The following DIP2B variants were observed in gnomAD, a reference collection of about 807,000 sequenced individuals.
The protein encoded by DIP2B is DIP2 acetate--CoA ligase B (putative).
Under a neutral mutation model 198.0 loss-of-function variants are expected in DIP2B, and 76 were observed. The ratio of observed to expected loss-of-function variants is 0.38; its 90% CI spans 0.32 to 0.46. The LOEUF is 0.46. DIP2B is among the 20% of genes least tolerant of loss of function. DIP2B has a pLI of 0.99. For synonymous variants in DIP2B, 701 were observed against 739.1 expected, an observed-to-expected ratio of 0.95 and a Z score of 0.84; for missense variants, 1,559 against 1,978.4, an observed-to-expected ratio of 0.79 and a Z score of 4.02.
intron 1 of DIP2B, among the ~76,000 whole-genome samples, chr12:50,511,289 C>CTCTTTTTTTTT (rs1316212138): frequency 4.8e-5 from 1 of 20,942 alleles, no homozygotes; most frequent in Non-Finnish European, 1.1e-4. Context: ...AGTGTGATTT[C>CTCTTTTTTTTT]TATTTTTTTT....
rs367902583 is a variant in DIP2B, at chr12:50,720,659, A to G, written c.3043-614A>G. Among the ~76,000 whole-genome samples the G allele has an allele frequency of 4.6e-5, 7 of 152,162 alleles. No homozygotes were observed. In the East Asian group the frequency reaches 1.2e-3, roughly 25 times the overall value. ...CAGCCAGGCACGGTGGCTCATGCCT[A>G]TAATCCCAGCTTCTTGAAAGGATGA... On this transcript the variant is annotated intron_variant, in intron 25 of 37. Coordinates refer to ENST00000301180, the MANE Select transcript of DIP2B (RefSeq NM_173602.3).
At chr12:50,682,023 G>A (rs1337024575) in intron 9 of DIP2B, among the ~76,000 whole-genome samples, 3 of 152,226 alleles carry the variant, frequency 2.0e-5, no homozygotes, top group African/African-American at 4.8e-5. Flanking sequence ...GTCTCATGAC[G>A]TAATTAAGTT....
At chr12:50,567,724 C>T (rs572241473) in intron 1 of DIP2B, among the ~76,000 whole-genome samples, 15 of 152,268 alleles carry the variant, frequency 9.9e-5, no homozygotes, top group Admixed American at 2.0e-4. Context: ...GATGGGGTTT[C>T]GCAGTGTTGG....
chr12:50,516,137 A>G (rs1308613479), intron 1 of DIP2B, among the ~76,000 whole-genome samples: 1 of 151,708 alleles, frequency 6.6e-6, no homozygotes, highest in African/African-American at 2.4e-5. Flanking sequence ...AGGCTCCCTC[A>G]AGCTTGTTTT....
At chr12:50,536,233 C>A (rs1382338844) in intron 1 of DIP2B, among the ~76,000 whole-genome samples, 4 of 151,938 alleles carry the variant, frequency 2.6e-5, no homozygotes, top group African/African-American at 9.7e-5. Context: ...GAGACCATCC[C>A]AGGCAACAAA....
intron 1 of DIP2B, among the ~76,000 whole-genome samples, chr12:50,525,627 C>T (rs371317592): frequency 6.6e-6 from 1 of 151,790 alleles, no homozygotes; most frequent in South Asian, 2.1e-4. Flanking sequence ...ATCCTCCCAC[C>T]TCAGCCTCCC....
At chr12:50,521,477 T>C (rs1318647924) in intron 1 of DIP2B, among the ~76,000 whole-genome samples, 2 of 149,280 alleles carry the variant, frequency 1.3e-5, no homozygotes, top group Non-Finnish European at 3.0e-5. Flanking sequence ...CAGTTAGACT[T>C]CAGGTTTCTT....
intron 3 of DIP2B, 55 bp downstream of exon 3, chr12:50,640,907 A>G: frequency 6.3e-7 from 1 of 1,579,306 alleles, no homozygotes; most frequent in Non-Finnish European, 8.6e-7. Context: ...AGTAGTATGA[A>G]CTGTGTATCC....
At chr12:50,632,077 G>A (rs1311780206) in intron 2 of DIP2B, among the ~76,000 whole-genome samples, 1 of 150,818 alleles carries the variant, frequency 6.6e-6, no homozygotes, top group Non-Finnish European at 1.5e-5. Context: ...TGATCCTCCC[G>A]CCTCCGCCTT....
At chr12:50,640,695 A>G in intron 2 of DIP2B, 29 bp from the exon 3 acceptor site, 1 of 1,610,382 alleles carries the variant, frequency 6.2e-7, no homozygotes, top group Admixed American at 1.7e-5. Flanking sequence ...CTGTTACTGG[A>G]TAACCATCTT....
chr12:50,600,894 T>TCAC (rs34616785), intron 1 of DIP2B, among the ~76,000 whole-genome samples: 18,366 of 121,362 alleles, frequency 0.15, 1,757 homozygotes, highest in East Asian at 0.29. Flanking sequence ...ATGACCACCA[T>TCAC]CACCACCACC....
intron 4 of DIP2B, 76 bp from the exon 5 acceptor site, chr12:50,671,110 G>A: frequency 7.0e-7 from 1 of 1,419,296 alleles, no homozygotes; most frequent in Non-Finnish European, 9.7e-7. Flanking sequence ...AACTGAATGT[G>A]TGATCAATGA....
In DIP2B at chr12:50,518,886, C is replaced by T. The variant is rs776537008; in HGVS notation, c.100+13646C>T. Among the ~76,000 whole-genome samples the T allele has an allele frequency of 2.0e-5, 3 of 152,064 alleles. 1 individual carries two copies. Among genetic ancestry groups the T allele is most frequent in the Admixed American group, 2.0e-4 (3 of 15,260 alleles). ...CCTCCAAGTAGCTGGGATTACAGGT[C>T]CATGTCACCATGCCTGGCTAATTTT... On this transcript the variant is annotated intron_variant, in intron 1 of 37. Transcript: ENST00000301180.
chr12:50,716,870 A>G (rs1939728370), intron 23 of DIP2B, among the ~76,000 whole-genome samples: 1 of 146,130 alleles, frequency 6.8e-6, no homozygotes, highest in Non-Finnish European at 1.5e-5. Flanking sequence ...TCCCCCGTTT[A>G]TTTTGAAGTG....
chr12:50,542,683 G>A (rs967682432), intron 1 of DIP2B, among the ~76,000 whole-genome samples: 1 of 152,168 alleles, frequency 6.6e-6, no homozygotes, highest in African/African-American at 2.4e-5. Flanking sequence ...TATGTCATAT[G>A]TGTGTTCATC....
chr12:50,600,941 A>G (rs1273760363), intron 1 of DIP2B, among the ~76,000 whole-genome samples: 1 of 128,250 alleles, frequency 7.8e-6, no homozygotes. Flanking sequence ...CACCACCACT[A>G]CCACCACCAC....
chr12:50,566,985 A>G (rs572081785), intron 1 of DIP2B, among the ~76,000 whole-genome samples: 3 of 151,262 alleles, frequency 2.0e-5, no homozygotes, highest in Non-Finnish European at 3.0e-5. Flanking sequence ...AAAAAAAAAA[A>G]AAAAAAAGAA....
At chr12:50,674,254 C>T (rs558029427) in intron 5 of DIP2B, among the ~76,000 whole-genome samples, 1 of 152,298 alleles carries the variant, frequency 6.6e-6, no homozygotes, top group African/African-American at 2.4e-5. Context: ...CTACTCAAGT[C>T]TTACAAAATA....
chr12:50,675,136 A>G (rs1322411327), intron 6 of DIP2B, among the ~76,000 whole-genome samples, 193 bp from the exon 7 acceptor site: 3 of 152,374 alleles, frequency 2.0e-5, no homozygotes, highest in Admixed American at 6.5e-5. Flanking sequence ...TCCTTAAGCT[A>G]TGTATTAATA....
Sources: allele counts gnomAD v4.1 joint callset (sites outside exome capture counted in the v4.1 genomes callset), GRCh38; gene constraint gnomAD v4.1.1; transcripts MANE v1.5; gene names NCBI Gene and HGNC (gene_info 2026-07-23, HGNC 2026-07-21).